WDR44: variants seen among roughly 807,000 people sequenced by gnomAD.
WDR44 encodes the protein WD repeat-containing protein 44.
Under a neutral mutation model 65.7 loss-of-function variants are expected in WDR44, and 9 were observed. The observed-to-expected ratio is 0.14, with a 90% CI of 0.08 to 0.24. The LOEUF (loss-of-function observed/expected upper bound fraction) is 0.24. Ranked by LOEUF, WDR44 falls within the 10% of genes least tolerant of loss-of-function variation. WDR44 has a pLI of 1.00. For synonymous variants in WDR44, 220 were observed against 235.2 expected, an observed-to-expected ratio of 0.94 and a Z score of 0.59; for missense variants, 425 against 670.9, an observed-to-expected ratio of 0.63 and a Z score of 4.05.
chrX:118,371,609 G>T (rs2056614203), intron 1 of WDR44, among the ~76,000 whole-genome samples: 1 of 111,332 alleles, frequency 9.0e-6, no homozygotes, highest in Admixed American at 9.6e-5. Context: ...CTTGAAATTT[G>T]TATTTTTGTT....
At position 118,396,946 on chromosome X, in the gene WDR44, ATTGT is replaced by A. The variant is rs1309324279; in HGVS notation, c.1054-21_1054-18del. ...TTAAATTGCAGGTCATCTTGGTGTG[ATTGT>A]TTTTTTTTTTTAACCTCAGGAAATT... On this transcript the variant is annotated intron_variant, in intron 6 of 19. Transcript: ENST00000254029. 1 of 1,141,286 alleles carries A rather than the reference ATTGT, an allele frequency of 8.8e-7. No homozygotes were observed. 94.1% of individuals were successfully genotyped at this position (1,141,286 alleles called of 1,213,427 possible).
At chrX:118,415,256 G>A (rs913131889) in intron 12 of WDR44, among the ~76,000 whole-genome samples, 1 of 111,565 alleles carries the variant, frequency 9.0e-6, no homozygotes, top group Non-Finnish European at 1.9e-5. Flanking sequence ...TTATCTTTTC[G>A]ATATGTTGTT....
chrX:118,414,653 A>AT (rs1378733236), intron 12 of WDR44, among the ~76,000 whole-genome samples: 1 of 111,368 alleles, frequency 9.0e-6, no homozygotes, highest in Non-Finnish European at 1.9e-5. Flanking sequence ...TGTAAAAGTG[A>AT]TTGAGTTATC....
chrX:118,425,024 C>T (rs929941350), intron 12 of WDR44, among the ~76,000 whole-genome samples: 1 of 110,865 alleles, frequency 9.0e-6, no homozygotes, highest in Non-Finnish European at 1.9e-5. Context: ...AGTTGTTGTT[C>T]GAGCAAAGTA....
At chrX:118,429,800 G>A (rs772118238) in intron 12 of WDR44, among the ~76,000 whole-genome samples, 90 of 110,033 alleles carry the variant, frequency 8.2e-4, no homozygotes, top group African/African-American at 2.7e-3. Flanking sequence ...TGTGCACCAC[G>A]CCCGGCTAAT....
At chrX:118,420,464 G>T (rs752163261) in intron 12 of WDR44, among the ~76,000 whole-genome samples, 2 of 110,657 alleles carry the variant, frequency 1.8e-5, no homozygotes, top group African/African-American at 6.6e-5. Context: ...TGTTGGCCAG[G>T]CTGGTCTTAA....
At chrX:118,429,333 A>T (rs925804559) in intron 12 of WDR44, among the ~76,000 whole-genome samples, 1 of 111,588 alleles carries the variant, frequency 9.0e-6, no homozygotes, top group African/African-American at 3.3e-5. Context: ...TCACGCCTGT[A>T]ATCCCAGCAC....
chrX:118,375,949 G>A (rs1261784074), intron 1 of WDR44, among the ~76,000 whole-genome samples: 2 of 111,929 alleles, frequency 1.8e-5, no homozygotes, highest in Non-Finnish European at 3.8e-5. Context: ...TGGGTGTCTG[G>A]TTTTATTTTT....
At chrX:118,411,072 T>G in intron 12 of WDR44, 113 bp downstream of exon 12, 1 of 596,301 alleles carries the variant, frequency 1.7e-6, no homozygotes, top group Non-Finnish European at 2.5e-6. Context: ...TAATATAAAA[T>G]TAAGATGTAT....
At chrX:118,366,815 C>T (rs2056556833) in intron 1 of WDR44, among the ~76,000 whole-genome samples, 1 of 111,907 alleles carries the variant, frequency 8.9e-6, no homozygotes. Flanking sequence ...GAAATGGTTT[C>T]GGCCGGGCGC....
At chrX:118,382,712 T>C (rs917475235) in intron 2 of WDR44, among the ~76,000 whole-genome samples, 1 of 111,308 alleles carries the variant, frequency 9.0e-6, no homozygotes, top group South Asian at 3.8e-4. Flanking sequence ...TGCAGGGGGG[T>C]TATAGACAGC....
intron 2 of WDR44, among the ~76,000 whole-genome samples, chrX:118,378,680 ATTTG>A (rs1405747503): frequency 9.7e-6 from 1 of 103,351 alleles, no homozygotes; most frequent in Non-Finnish European, 1.9e-5. Flanking sequence ...ACTGATTTTT[ATTTG>A]TTTATAATAT....
intron 1 of WDR44, among the ~76,000 whole-genome samples, chrX:118,367,263 T>C (rs964640512): frequency 2.7e-5 from 3 of 111,840 alleles, no homozygotes; most frequent in Non-Finnish European, 5.6e-5. Flanking sequence ...TAAGTAAATG[T>C]TGGAAAAACT....
chrX:118,393,200 G>A lies in WDR44; in HGVS notation c.755G>A (p.Arg252Gln), dbSNP rs1268711042. ...FPPPRPPPPS[R>Q]PAPPPRKRKS... ...CCTCCTAGACCCCCACCTCCTTCTCGACCTGCTCCACCACCAAGAAAAAGG... is the reference window on the plus strand; with the variant it reads ...CCTCCTAGACCCCCACCTCCTTCTCAACCTGCTCCACCACCAAGAAAAAGG... The change falls in exon 4 of 20, where the codon CGA (arginine) becomes CAA (glutamine). Residue 252 changes from arginine to glutamine, a missense_variant. Arg to Gln is a conservative substitution (Grantham distance 43, BLOSUM62 1). Transcript: ENST00000254029. 3 of 1,206,507 alleles carry A rather than the reference G, an allele frequency of 2.5e-6. No homozygotes were observed. Among genetic ancestry groups the A allele is most frequent in the Admixed American group, 2.2e-5 (1 of 44,891 alleles).
chrX:118,356,515 A>G (rs943247160), intron 1 of WDR44, among the ~76,000 whole-genome samples: 11 of 110,620 alleles, frequency 9.9e-5, no homozygotes, highest in African/African-American at 3.3e-4. Context: ...CTCTAACTAG[A>G]AACACAATGT....
At chrX:118,366,675 A>G (rs186146575) in intron 1 of WDR44, among the ~76,000 whole-genome samples, 3 of 111,141 alleles carry the variant, frequency 2.7e-5, no homozygotes, top group Admixed American at 9.6e-5. Flanking sequence ...AGCATGTTAT[A>G]TATAATATAT....
chrX:118,419,541 G>A (rs1185272707), intron 12 of WDR44, among the ~76,000 whole-genome samples: 1 of 111,719 alleles, frequency 9.0e-6, no homozygotes, highest in Non-Finnish European at 1.9e-5. Flanking sequence ...TGTCTCCTGG[G>A]TCCTGCAGGA....
chrX:118,413,730 G>A (rs917004650), intron 12 of WDR44, among the ~76,000 whole-genome samples: 6 of 111,671 alleles, frequency 5.4e-5, no homozygotes, highest in Admixed American at 1.9e-4. Context: ...TTTGCTTTTG[G>A]GTTCCTGGTC....
intron 14 of WDR44, among the ~76,000 whole-genome samples, chrX:118,440,915 G>T (rs1322670451): frequency 1.0e-5 from 1 of 96,899 alleles, no homozygotes; most frequent in Non-Finnish European, 2.1e-5. Flanking sequence ...ATAAAATAAT[G>T]CTTGCTTAAA....
Sources: gnomAD v4.1 joint callset for allele counts (sites outside exome capture counted in the v4.1 genomes callset) on GRCh38, gnomAD v4.1.1 for gene constraint, MANE v1.5 for transcripts, NCBI Gene and HGNC (gene_info 2026-07-23, HGNC 2026-07-21) for gene names.